UGT1A6: variants seen among roughly 807,000 people sequenced by gnomAD.
UGT1A6 encodes the protein UDP-glucuronosyltransferase 1A6.
In UGT1A6, 32 loss-of-function variants were observed where a neutral mutation model predicts 44.4. The observed-to-expected ratio is 0.72, with a 90% CI of 0.54 to 0.97. The LOEUF (loss-of-function observed/expected upper bound fraction) is 0.97, where lower values mean the gene tolerates loss of function less well. Among genes scored for constraint, UGT1A6 ranks in the 50% least tolerant of loss-of-function variants. UGT1A6 has a pLI of 0.00. For missense variants in UGT1A6, 685 were observed against 661.9 expected, an observed-to-expected ratio of 1.03 and a Z score of -0.38; for synonymous variants, 238 against 248.5, an observed-to-expected ratio of 0.96 and a Z score of 0.40.
chr2:233,755,491 T>C (rs112011393), intron 1 of UGT1A6: 20 of 202,890 alleles, frequency 9.9e-5, no homozygotes, highest in Non-Finnish European at 1.9e-4. Flanking sequence ...GGCCCTGTGA[T>C]GCTCCAAGAC....
At chr2:233,760,542 G>A in intron 1 of UGT1A6, 1 of 1,614,262 alleles carries the variant, frequency 6.2e-7, no homozygotes, top group Non-Finnish European at 8.5e-7. Flanking sequence ...CATTCCAAAG[G>A]GAGGATGTGA....
At chr2:233,724,644 G>A (rs1189293479) in intron 1 of UGT1A6, among the ~76,000 whole-genome samples, 6 of 141,164 alleles carry the variant, frequency 4.3e-5, no homozygotes, top group Non-Finnish European at 7.7e-5. Flanking sequence ...ATGTGATGGC[G>A]GCTGGGAAGA....
At chr2:233,723,024 G>A (rs1419392823) in intron 1 of UGT1A6, among the ~76,000 whole-genome samples, 1 of 144,364 alleles carries the variant, frequency 6.9e-6, no homozygotes, top group Non-Finnish European at 1.5e-5. Flanking sequence ...AAGGTGGAAG[G>A]GCCAGCGGGA....
intron 1 of UGT1A6, among the ~76,000 whole-genome samples, chr2:233,733,592 A>T (rs1213678980): frequency 6.6e-6 from 1 of 152,156 alleles, no homozygotes; most frequent in East Asian, 1.9e-4. Flanking sequence ...GGTTCTGTTT[A>T]TGTGATGGAT....
At chr2:233,712,844 G>A (rs2076257944) in intron 1 of UGT1A6, 2 of 1,520,210 alleles carry the variant, frequency 1.3e-6, no homozygotes, top group Non-Finnish European at 1.8e-6. Flanking sequence ...TAGATTAACG[G>A]GTAATAAGTA....
At position 233,772,374 on chromosome 2, in the gene UGT1A6, C is replaced by T. The variant is rs773725816; in HGVS notation, c.1414C>T (p.His472Tyr). Reference protein sequence around the residue: ...EFVMRHKGAPHLRPAAHDLTW... With the variant: ...EFVMRHKGAPYLRPAAHDLTW... ...TGTGATGAGGCACAAGGGCGCGCCA[C>T]ACCTGCGCCCCGCAGCCCACGACCT... is the stretch of plus-strand genomic sequence containing the variant. The change falls in exon 5 of 5, where the codon CAC becomes TAC. Residue 472 changes from histidine (H) to tyrosine (Y), a missense_variant. Transcript: ENST00000305139. 1.2e-6 allele frequency: 2 copies of T among 1,614,266 alleles called. No individual in the cohort carries two copies. Among genetic ancestry groups the T allele is most frequent in the South Asian group, 2.2e-5 (2 of 91,082 alleles).
At chr2:233,724,165 C>G (rs1303959593) in intron 1 of UGT1A6, among the ~76,000 whole-genome samples, 1 of 112,732 alleles carries the variant, frequency 8.9e-6, no homozygotes, top group African/African-American at 4.2e-5. Context: ...GGGGGGCTGA[C>G]CCCCCCATCT....
chr2:233,760,198 T>C (rs907119126), intron 1 of UGT1A6: 1 of 1,579,636 alleles, frequency 6.3e-7, no homozygotes, highest in Admixed American at 1.7e-5. Context: ...CGTGACACAG[T>C]CAAACATTAA....
At chr2:233,731,359 A>G (rs2078149638) in intron 1 of UGT1A6, among the ~76,000 whole-genome samples, 1 of 151,208 alleles carries the variant, frequency 6.6e-6, no homozygotes, top group Admixed American at 6.6e-5. Context: ...ATAGGTATAC[A>G]TGTGCCATGT....
chr2:233,719,071 G>A, intron 1 of UGT1A6: 1 of 1,614,278 alleles, frequency 6.2e-7, no homozygotes. Flanking sequence ...GCTGTTCCAT[G>A]GACCCAGAAG....
chr2:233,714,950 C>T (rs2076424956), intron 1 of UGT1A6, among the ~76,000 whole-genome samples: 1 of 152,298 alleles, frequency 6.6e-6, no homozygotes, highest in South Asian at 2.1e-4. Context: ...GATCTTGGCT[C>T]ATTGCAACCT....
chr2:233,724,253 C>T (rs2077196300), intron 1 of UGT1A6, among the ~76,000 whole-genome samples: 1 of 128,614 alleles, frequency 7.8e-6, no homozygotes, highest in Non-Finnish European at 1.7e-5. Flanking sequence ...AGGCGCCCCT[C>T]ACCTCCCGGA....
chr2:233,725,038 C>G lies in UGT1A6; in HGVS notation c.861+31173C>G, dbSNP rs1391626503. On this transcript the variant is annotated intron_variant, in intron 1 of 4. Coordinates refer to ENST00000305139, the MANE Select transcript of UGT1A6 (RefSeq NM_001072.4). ...CAGCAAAACCCGGTCTCCACCAAAA[C>G]CAGTCAGGCGTGGCGGCGCGCGCCT... Among the ~76,000 whole-genome samples, 35 of 148,320 alleles carry G rather than the reference C, an allele frequency of 2.4e-4. 2 individuals carry two copies. Among genetic ancestry groups the G allele is most frequent in the Non-Finnish European group, 4.3e-4 (29 of 67,320 alleles).
rs1293478341 is a variant in UGT1A6, at chr2:233,720,768, G to A, written c.861+26903G>A. On this transcript the variant is annotated intron_variant, in intron 1 of 4. Coordinates refer to ENST00000305139, the MANE Select transcript of UGT1A6 (RefSeq NM_001072.4). ...TCGCCCAGGCTGGAGGGCAGTGGCCGGATCTCCGCTCACTGCAACCTTCAC... is the reference window on the plus strand; with the variant it reads ...TCGCCCAGGCTGGAGGGCAGTGGCCAGATCTCCGCTCACTGCAACCTTCAC... Among the ~76,000 whole-genome samples, 6 of 150,528 alleles carry A rather than the reference G, an allele frequency of 4.0e-5. No individual in the cohort carries two copies. The South Asian group carries it at 8.4e-4, about 21-fold the overall frequency.
At chr2:233,711,952 C>T (rs2076206674) in intron 1 of UGT1A6, among the ~76,000 whole-genome samples, 1 of 152,326 alleles carries the variant, frequency 6.6e-6, no homozygotes, top group African/African-American at 2.4e-5. Context: ...ACGTTTAATT[C>T]TCCATTTTGA....
chr2:233,757,637 C>T (rs375047032), intron 1 of UGT1A6, among the ~76,000 whole-genome samples: 1 of 148,590 alleles, frequency 6.7e-6, no homozygotes, highest in Non-Finnish European at 1.5e-5. Context: ...CAGAACAGAA[C>T]AAAATGCTGT....
intron 1 of UGT1A6, 115 bp downstream of exon 1, chr2:233,693,980 G>T: frequency 6.4e-7 from 1 of 1,558,524 alleles, no homozygotes. Context: ...GAAACGGTGG[G>T]GGGAAGTGAT....
intron 1 of UGT1A6, among the ~76,000 whole-genome samples, chr2:233,724,153 T>TG (rs1256567668): frequency 5.0e-4 from 26 of 52,120 alleles, no homozygotes; most frequent in African/African-American, 2.1e-3. Flanking sequence ...GCTGGCCGGG[T>TG]GGGGGGGCTG....
chr2:233,726,048 C>T (rs2077495587), intron 1 of UGT1A6, among the ~76,000 whole-genome samples: 1 of 152,078 alleles, frequency 6.6e-6, no homozygotes, highest in African/African-American at 2.4e-5. Context: ...CACCTGTGGT[C>T]CCAGCTACTC....
Sources: allele counts gnomAD v4.1 joint callset (sites outside exome capture counted in the v4.1 genomes callset), GRCh38; gene constraint gnomAD v4.1.1; transcripts MANE v1.5; gene names NCBI Gene and HGNC (gene_info 2026-07-23, HGNC 2026-07-21).